RIC1: variants seen among roughly 807,000 people sequenced by gnomAD.
RIC1 encodes the protein RIC1 partner of RAB6A GEF complex.
A neutral mutation model predicts 169.0 loss-of-function variants in RIC1; 88 were observed. The observed-to-expected ratio is 0.52, with a 90% CI of 0.44 to 0.62. RIC1 has a LOEUF of 0.62. Among genes scored for constraint, RIC1 ranks in the 20% least tolerant of loss-of-function variants. The pLI is 0.00. For synonymous variants in RIC1, 790 were observed against 601.5 expected (o/e 1.31, Z -4.59); for missense variants, 1,877 against 1,725.5 (o/e 1.09, Z -1.56).
rs1186794663 is a variant in RIC1 at position 5,739,050 on chromosome 9, T to TA, written c.901+513dup. Among the ~76,000 whole-genome samples the TA allele has an allele frequency of 5.3e-5, 8 of 152,122 alleles. No homozygotes were observed. The East Asian group carries it at 1.5e-3, about 29-fold the overall frequency. ...GATCTGACATACAGAGAAGTGCAAT[T>TA]ATAGGGTTCTTCAAAGATGTAGCTG... On this transcript the variant is annotated intron_variant, in intron 8 of 25. Transcript: ENST00000414202.
chr9:5,727,155 A>T (rs138311510), intron 6 of RIC1, among the ~76,000 whole-genome samples: 14 of 152,292 alleles, frequency 9.2e-5, no homozygotes, highest in African/African-American at 3.4e-4. Context: ...GTGTTTTCCA[A>T]CTTGGTTCCA....
rs896482257 is a variant in RIC1, at chr9:5,774,191, A to C, written c.4217A>C (p.Gln1406Pro). 3.7e-6 allele frequency: 6 copies of C among 1,613,824 alleles called. No homozygotes were observed. In the African/African-American group the frequency reaches 8.0e-5, roughly 22 times the overall value. The change falls in exon 26 of 26, where the codon CAA becomes CCA. Residue 1406 changes from glutamine to proline, a missense_variant. Gln to Pro is a moderately conservative substitution (Grantham distance 76, BLOSUM62 -1). Coordinates refer to ENST00000414202, the MANE Select transcript of RIC1 (RefSeq NM_020829.4). ...AGCCGGAAAGAGGAGGACACAGCCC[A>C]AGCAGAGGAGGAAGAACCTTTTCAG... ...MVSRKEEDTA[Q>P]AEEEEPFQDG...
intron 1 of RIC1, among the ~76,000 whole-genome samples, chr9:5,641,244 A>G (rs1038973136): frequency 1.3e-5 from 2 of 151,212 alleles, no homozygotes; most frequent in East Asian, 1.9e-4. Context: ...GGCGCCCACC[A>G]CCACACCCGG....
chr9:5,703,859 G>A (rs931353837), intron 3 of RIC1, among the ~76,000 whole-genome samples: 2 of 152,116 alleles, frequency 1.3e-5, no homozygotes, highest in African/African-American at 2.4e-5. Context: ...AGTTGTTCAT[G>A]TACAATTTGT....
chr9:5,764,502 G>A (rs890442364), intron 19 of RIC1, among the ~76,000 whole-genome samples: 3 of 152,196 alleles, frequency 2.0e-5, no homozygotes, highest in African/African-American at 2.4e-5. Flanking sequence ...TTATTTGATA[G>A]GCTACACTTA....
intron 21 of RIC1, among the ~76,000 whole-genome samples, chr9:5,768,031 G>C (rs1007195544): frequency 6.6e-6 from 1 of 152,198 alleles, no homozygotes; most frequent in Non-Finnish European, 1.5e-5. Flanking sequence ...AATAAACTTA[G>C]TTATGTTCAC....
chr9:5,670,854 G>T (rs551921717), intron 2 of RIC1, among the ~76,000 whole-genome samples: 1 of 152,276 alleles, frequency 6.6e-6, no homozygotes, highest in South Asian at 2.1e-4. Flanking sequence ...GGATAGTTTG[G>T]TGGGGCAGGG....
At chr9:5,744,726 A>G (rs1825281480) in intron 10 of RIC1, among the ~76,000 whole-genome samples, 1 of 152,124 alleles carries the variant, frequency 6.6e-6, no homozygotes. Context: ...AGTTGCAGCT[A>G]TTGGAGCATT....
chr9:5,707,663 T>TTTTG (rs542567575), intron 3 of RIC1, among the ~76,000 whole-genome samples: 50 of 152,180 alleles, frequency 3.3e-4, no homozygotes, highest in South Asian at 4.1e-4. Flanking sequence ...TCTTTTGTTT[T>TTTTG]TTTGTTTGTT....
intron 1 of RIC1, among the ~76,000 whole-genome samples, chr9:5,635,675 T>C (rs557104616): frequency 6.0e-4 from 92 of 152,276 alleles, no homozygotes; most frequent in Admixed American, 1.1e-3. Flanking sequence ...ATAATCCCCA[T>C]GTATGGAGGG....
chr9:5,722,348 A>AGAGAGAGTGTGT (rs374028302), intron 6 of RIC1, among the ~76,000 whole-genome samples: 178 of 131,334 alleles, frequency 1.4e-3, no homozygotes, highest in Middle Eastern at 3.8e-3. Flanking sequence ...AGAGAGAGAG[A>AGAGAGAGTGTGT]GTGTGTGTGT....
At chr9:5,734,207 A>C (rs961808224) in intron 7 of RIC1, among the ~76,000 whole-genome samples, 11 of 151,766 alleles carry the variant, frequency 7.2e-5, no homozygotes, top group Non-Finnish European at 1.3e-4. Flanking sequence ...CCTGGGTTCA[A>C]GTGATTCTCC....
chr9:5,667,856 A>T (rs977063242), intron 2 of RIC1, among the ~76,000 whole-genome samples: 2 of 152,076 alleles, frequency 1.3e-5, no homozygotes, highest in African/African-American at 4.8e-5. Flanking sequence ...TCTGCCAGTT[A>T]CCCAGCTCCA....
chr9:5,709,962 G>C (rs901316178), intron 3 of RIC1, among the ~76,000 whole-genome samples: 2 of 152,064 alleles, frequency 1.3e-5, no homozygotes, highest in Non-Finnish European at 2.9e-5. Context: ...TTTAAGATAG[G>C]TAATGTGGTT....
In RIC1 at chr9:5,769,446, T is replaced by C. The variant is rs775329057; in HGVS notation, c.3424+190T>C. On this transcript the variant is annotated intron_variant, in intron 22 of 25. Coordinates refer to ENST00000414202, the MANE Select transcript of RIC1 (RefSeq NM_020829.4). ...AAAGATGTAAATAAAGTAGAACCTATGTCTCTAAGTCTTGTGACCTTGAAG... is the reference window on the plus strand; with the variant it reads ...AAAGATGTAAATAAAGTAGAACCTACGTCTCTAAGTCTTGTGACCTTGAAG... 2.1e-5 allele frequency: 31 copies of C among 1,499,740 alleles called. No individual in the cohort carries two copies. The South Asian group carries it at 4.1e-4, about 20-fold the overall frequency. 92.9% of individuals were successfully genotyped at this position (1,499,740 alleles called of 1,614,324 possible). A position where few individuals can be genotyped will look rare whatever the true frequency, so the allele number is the denominator to read the frequency against.
intron 9 of RIC1, among the ~76,000 whole-genome samples, 158 bp from the exon 10 acceptor site, chr9:5,743,531 C>T (rs1357710993): frequency 6.6e-6 from 1 of 152,052 alleles, no homozygotes; most frequent in Non-Finnish European, 1.5e-5. Flanking sequence ...GATATATACA[C>T]CTAGGTGTAT....
intron 6 of RIC1, among the ~76,000 whole-genome samples, chr9:5,729,419 C>T (rs1824219149): frequency 6.6e-6 from 1 of 152,262 alleles, no homozygotes; most frequent in South Asian, 2.1e-4. Flanking sequence ...ATTCCCAAGC[C>T]TTTCGTGTAC....
intron 17 of RIC1, among the ~76,000 whole-genome samples, chr9:5,759,804 A>G (rs1258246706): frequency 6.6e-6 from 1 of 152,238 alleles, no homozygotes; most frequent in Non-Finnish European, 1.5e-5. Flanking sequence ...TGGATGGAGC[A>G]CATAAGGCAA....
At chr9:5,668,184 C>A (rs760489752) in intron 2 of RIC1, among the ~76,000 whole-genome samples, 12 of 152,030 alleles carry the variant, frequency 7.9e-5, no homozygotes, top group Non-Finnish European at 1.5e-4. Context: ...ACGAGAACAC[C>A]GTGAGGGTAC....
Sources: allele counts gnomAD v4.1 joint callset (sites outside exome capture counted in the v4.1 genomes callset), GRCh38; gene constraint gnomAD v4.1.1; transcripts MANE v1.5; gene names NCBI Gene and HGNC (gene_info 2026-07-23, HGNC 2026-07-21).